EPS15: variants seen among roughly 807,000 people sequenced by gnomAD.
The protein encoded by EPS15 is epidermal growth factor receptor pathway substrate 15.
EPS15 carries 72 observed loss-of-function variants against 113.8 expected under a neutral mutation model. The observed-to-expected ratio is 0.63, with a 90% CI of 0.52 to 0.77. The LOEUF (loss-of-function observed/expected upper bound fraction) is 0.77, where lower values mean the gene tolerates loss of function less well. Among genes scored for constraint, EPS15 ranks in the 30% least tolerant of loss-of-function variants. The pLI is 0.00. For missense variants in EPS15, 1,048 were observed against 1,045.8 expected (o/e 1.00, Z -0.03); for synonymous variants, 344 against 363.4 (o/e 0.95, Z 0.61).
chr1:51,482,947 C>A (rs1644048662), intron 1 of EPS15, among the ~76,000 whole-genome samples: 1 of 152,082 alleles, frequency 6.6e-6, no homozygotes, highest in African/African-American at 2.4e-5. Flanking sequence ...CAGTAGTTTC[C>A]CCTTATCCAC....
intron 20 of EPS15, among the ~76,000 whole-genome samples, chr1:51,398,445 T>A (rs555046218): frequency 7.2e-4 from 110 of 152,322 alleles, no homozygotes; most frequent in Admixed American, 2.0e-3. Flanking sequence ...TCCTCATTTT[T>A]AAAATAGGGA....
intron 6 of EPS15, 112 bp from the exon 7 acceptor site, chr1:51,463,910 TA>T: frequency 1.9e-6 from 1 of 520,554 alleles, no homozygotes; most frequent in African/African-American, 2.0e-5. Context: ...AACTATCATT[TA>T]AAAAACATTT....
chr1:51,451,531 A>G (rs1263962255), intron 8 of EPS15, among the ~76,000 whole-genome samples: 2 of 151,086 alleles, frequency 1.3e-5, no homozygotes, highest in African/African-American at 2.4e-5. Flanking sequence ...GAAAAGAAAA[A>G]AAAAGAAATT....
intron 8 of EPS15, among the ~76,000 whole-genome samples, chr1:51,456,797 TAC>T (rs1472574149): frequency 6.6e-6 from 1 of 152,070 alleles, no homozygotes; most frequent in East Asian, 1.9e-4. Context: ...TTAAAAAGAG[TAC>T]AGATTATGTT....
intron 11 of EPS15, among the ~76,000 whole-genome samples, chr1:51,443,154 A>G (rs1403212396): frequency 6.6e-6 from 1 of 152,220 alleles, no homozygotes; most frequent in Non-Finnish European, 1.5e-5. Context: ...TGAACTTCAG[A>G]CAAATCTACT....
Position 51,425,470 on chromosome 1 carries a change from T to G in EPS15, c.1041-3612A>C, listed in dbSNP as rs565338064. On this transcript the variant is annotated intron_variant, in intron 12 of 24. Transcript: ENST00000371733. ...CCAGAAACACAGTTTTATGTCTTTT[T>G]TCCTAAACAGCAGCATCCACTATTT... is the stretch of plus-strand genomic sequence containing the variant. Among the ~76,000 whole-genome samples, 5 of 152,334 alleles carry G rather than the reference T, an allele frequency of 3.3e-5. No individual in the cohort carries two copies. In the South Asian group the frequency reaches 1.0e-3, roughly 32 times the overall value.
At position 51,356,753 on chromosome 1, in the gene EPS15, C is replaced by T. The variant is rs758006712; in HGVS notation, c.2638G>A (p.Glu880Lys). Residue 880 changes from glutamate to lysine, a missense_variant, in exon 25 of 25, where the codon GAA (glutamate) becomes AAA (lysine). Coordinates refer to ENST00000371733, the MANE Select transcript of EPS15 (RefSeq NM_001981.3). The part of the protein sequence containing the change: ...RLARLNQQEQ[E>K]DLELAIALSK... Reference sequence around the variant, plus strand: ...AGTGCAATAGCCAGTTCTAAGTCTTCTTGTTCCTGCTGATTTAGTCGGGCA... The same window carrying T: ...AGTGCAATAGCCAGTTCTAAGTCTTTTTGTTCCTGCTGATTTAGTCGGGCA... 6.2e-7 allele frequency: 1 copy of T among 1,614,088 alleles called. No homozygotes were observed. Among genetic ancestry groups the T allele is most frequent in the East Asian group, 2.2e-5 (1 of 44,874 alleles).
intron 13 of EPS15, among the ~76,000 whole-genome samples, chr1:51,414,984 T>C (rs1021460393): frequency 3.3e-5 from 5 of 152,212 alleles, no homozygotes; most frequent in African/African-American, 9.6e-5. Context: ...CATGAACCCA[T>C]GTTACTTTTA....
chr1:51,362,462 G>C (rs994395747), intron 23 of EPS15, among the ~76,000 whole-genome samples: 5 of 152,006 alleles, frequency 3.3e-5, no homozygotes, highest in African/African-American at 1.2e-4. Context: ...AAAAACACTA[G>C]CATATTATTT....
chr1:51,416,216 C>T (rs78536715), intron 13 of EPS15, among the ~76,000 whole-genome samples: 4,860 of 152,224 alleles, frequency 0.032, 127 homozygotes, highest in Non-Finnish European at 0.05. Flanking sequence ...TTGGGAACAT[C>T]CTTTCCTGGG....
At chr1:51,381,971 C>T (rs896400900) in intron 21 of EPS15, among the ~76,000 whole-genome samples, 1 of 151,984 alleles carries the variant, frequency 6.6e-6, no homozygotes, top group African/African-American at 2.4e-5. Context: ...GCAGAGACAA[C>T]ACAGAGAATA....
chr1:51,365,363 T>G (rs1646486215), intron 22 of EPS15, among the ~76,000 whole-genome samples: 1 of 152,186 alleles, frequency 6.6e-6, no homozygotes, highest in African/African-American at 2.4e-5. Context: ...TATTCAATTG[T>G]GAAAACCAAA....
intron 4 of EPS15, among the ~76,000 whole-genome samples, chr1:51,468,990 T>A (rs1438138361): frequency 6.6e-6 from 1 of 151,810 alleles, no homozygotes; most frequent in Non-Finnish European, 1.5e-5. Flanking sequence ...ATTAGCCAGG[T>A]GTGGTGGCGT....
At chr1:51,403,573 T>A in intron 16 of EPS15, 41 bp from the exon 17 acceptor site, 1 of 1,153,618 alleles carries the variant, frequency 8.7e-7, no homozygotes, top group Non-Finnish European at 1.2e-6. Context: ...ATATACTTTT[T>A]GACATGGCAG....
At chr1:51,493,524 CAAAT>C (rs998194625) in intron 1 of EPS15, among the ~76,000 whole-genome samples, 2 of 127,354 alleles carry the variant, frequency 1.6e-5, no homozygotes, top group Non-Finnish European at 3.3e-5. Flanking sequence ...GACTCAGTCT[CAAAT>C]TAAATAAATA....
At chr1:51,372,247 G>A (rs1257004510) in intron 21 of EPS15, 10 of 480,272 alleles carry the variant, frequency 2.1e-5, no homozygotes, top group Non-Finnish European at 3.9e-5. Flanking sequence ...TAGGCCTAGT[G>A]GGCGGTGTGT....
At chr1:51,361,488 T>C in intron 23 of EPS15, 133 bp from the exon 24 acceptor site, 2 of 610,822 alleles carry the variant, frequency 3.3e-6, no homozygotes, top group Non-Finnish European at 5.6e-6. Context: ...TTCTGAATAT[T>C]GTCTTAAATA....
chr1:51,440,344 T>C lies in EPS15; in HGVS notation c.1040+3A>G. ...GAGTAGGCTGTAATTTTGCTTTACA[T>C]ACCTCTGTAGGTCAACTATTTCATT... On this transcript the variant is annotated splice_donor_region_variant and intron_variant, in intron 12 of 24. Transcript: ENST00000371733. 1.4e-6 allele frequency: 2 copies of C among 1,467,848 alleles called. No homozygotes were observed. Among genetic ancestry groups the C allele is most frequent in the Non-Finnish European group, 1.9e-6 (2 of 1,059,860 alleles). The allele number at this position is 1,467,848 out of a possible 1,614,324, so 90.9% of individuals were successfully genotyped here.
At chr1:51,510,194 CACAA>C (rs1399887566) in intron 1 of EPS15, among the ~76,000 whole-genome samples, 1 of 152,212 alleles carries the variant, frequency 6.6e-6, no homozygotes, top group African/African-American at 2.4e-5. Flanking sequence ...CCCCAATACA[CACAA>C]ACACACGCAC....
Sources: gnomAD v4.1 joint callset for allele counts (sites outside exome capture counted in the v4.1 genomes callset) on GRCh38, gnomAD v4.1.1 for gene constraint, MANE v1.5 for transcripts, NCBI Gene and HGNC (gene_info 2026-07-23, HGNC 2026-07-21) for gene names.